CORO2B: variants seen among roughly 807,000 people sequenced by gnomAD.
CORO2B encodes coronin 2B.
CORO2B carries 26 observed loss-of-function variants against 58.8 expected under a neutral mutation model. The observed-to-expected ratio is 0.44, with a 90% CI of 0.32 to 0.61. The LOEUF is 0.61. Ranked by LOEUF, CORO2B falls within the 20% of genes least tolerant of loss-of-function variation. The pLI is 0.04. For missense variants in CORO2B, 460 were observed against 645.1 expected (o/e 0.71, Z 3.11); for synonymous variants, 242 against 253.8 (o/e 0.95, Z 0.44).
At chr15:68,647,270 G>A (rs1227852167) in intron 2 of CORO2B, among the ~76,000 whole-genome samples, 1 of 152,184 alleles carries the variant, frequency 6.6e-6, no homozygotes, top group South Asian at 2.1e-4. Flanking sequence ...GACAGTTTCT[G>A]TATTACAATG....
At chr15:68,590,617 G>A (rs1899680434) in intron 1 of CORO2B, among the ~76,000 whole-genome samples, 1 of 152,186 alleles carries the variant, frequency 6.6e-6, no homozygotes, top group African/African-American at 2.4e-5. Flanking sequence ...CTACCACTTC[G>A]CTTAGAACCC....
the CORO2B span, among the ~76,000 whole-genome samples, chr15:68,563,100 C>G: frequency 2.6e-5 from 4 of 151,630 alleles, no homozygotes; most frequent in Non-Finnish European, 5.9e-5. Flanking sequence ...GAAGAAAGAT[C>G]TCAAATCAAT....
chr15:68,679,264 A>T (rs1354301167), intron 2 of CORO2B, among the ~76,000 whole-genome samples: 2 of 152,114 alleles, frequency 1.3e-5, no homozygotes, highest in African/African-American at 2.4e-5. Context: ...CTGGGTGGAG[A>T]TTCAACATAT....
rs539164836 is a variant in CORO2B, at chr15:68,713,932, A to G, written c.656A>G (p.Asn219Ser). 1.9e-5 allele frequency: 30 copies of G among 1,613,864 alleles called. No individual in the cohort carries two copies. The South Asian group carries it at 2.4e-4, about 13-fold the overall frequency. The part of the protein sequence containing the change: ...PRSGRVLQEA[N>S]CKNHRVNRVV... Reference sequence around the variant, plus strand: ...TCCCTCTGTTCCTACTAGGAGGCCAACTGCAAAAACCACAGAGTGAACCGG... The same window carrying G: ...TCCCTCTGTTCCTACTAGGAGGCCAGCTGCAAAAACCACAGAGTGAACCGG... Residue 219 changes from asparagine (N) to serine (S), a missense_variant, in exon 6 of 12, where the codon AAC (asparagine) becomes AGC (serine). Physicochemically the swap from Asn to Ser is conservative, Grantham distance 46. Coordinates refer to ENST00000261861, the MANE Select transcript of CORO2B (RefSeq NM_006091.5).
intron 2 of CORO2B, among the ~76,000 whole-genome samples, chr15:68,656,017 C>G (rs756286567): frequency 2.6e-5 from 4 of 152,194 alleles, no homozygotes; most frequent in Non-Finnish European, 4.4e-5. Flanking sequence ...TACCACTGGC[C>G]TTTCTCCTGG....
chr15:68,692,563 C>T (rs112310437), intron 2 of CORO2B, among the ~76,000 whole-genome samples: 27,381 of 148,622 alleles, frequency 0.18, 3,074 homozygotes, highest in Non-Finnish European at 0.25. Context: ...CCAGCCTGGG[C>T]GACAGAGTGA....
At chr15:68,528,815 C>T in the CORO2B span, among the ~76,000 whole-genome samples, 1 of 150,560 alleles carries the variant, frequency 6.6e-6, no homozygotes, top group Non-Finnish European at 1.5e-5. Flanking sequence ...ATTACGAATT[C>T]AATTTCTTCA....
intron 2 of CORO2B, among the ~76,000 whole-genome samples, chr15:68,678,385 G>A (rs1224526799): frequency 6.6e-6 from 1 of 152,304 alleles, no homozygotes; most frequent in East Asian, 1.9e-4. Flanking sequence ...GGCAATAACA[G>A]AGAAAAGACA....
the CORO2B span, among the ~76,000 whole-genome samples, chr15:68,555,495 G>A: frequency 2.6e-5 from 4 of 152,188 alleles, no homozygotes; most frequent in Non-Finnish European, 5.9e-5. Flanking sequence ...GGCTGGGCAG[G>A]GGGGAGAGAA....
At chr15:68,557,903 G>A in the CORO2B span, among the ~76,000 whole-genome samples, 2 of 152,192 alleles carry the variant, frequency 1.3e-5, no homozygotes, top group Non-Finnish European at 2.9e-5. Flanking sequence ...ATGAGGTCCT[G>A]GTCATAGTCC....
chr15:68,613,105 G>A (rs995525094), intron 1 of CORO2B, among the ~76,000 whole-genome samples: 9 of 152,186 alleles, frequency 5.9e-5, no homozygotes, highest in Non-Finnish European at 1.0e-4. Flanking sequence ...AGGTCCAGAA[G>A]AGGCATGTAA....
At chr15:68,583,766 G>A (rs916225351) in intron 1 of CORO2B, among the ~76,000 whole-genome samples, 1 of 152,186 alleles carries the variant, frequency 6.6e-6, no homozygotes, top group African/African-American at 2.4e-5. Flanking sequence ...CCAGCACCTC[G>A]TTCCTGTCTG....
At chr15:68,548,530 C>T in the CORO2B span, among the ~76,000 whole-genome samples, 2 of 152,098 alleles carry the variant, frequency 1.3e-5, no homozygotes, top group African/African-American at 4.8e-5. Context: ...AAGTCAGTTC[C>T]AGCACACCAC....
chr15:68,585,288 C>A (rs186472183), intron 1 of CORO2B, among the ~76,000 whole-genome samples: 2 of 152,162 alleles, frequency 1.3e-5, no homozygotes. Context: ...GCGGGATGCA[C>A]GCCCAGATCT....
At chr15:68,586,843 G>A (rs1476782012) in intron 1 of CORO2B, among the ~76,000 whole-genome samples, 1 of 152,132 alleles carries the variant, frequency 6.6e-6, no homozygotes, top group Admixed American at 6.5e-5. Context: ...GCCTCCTTGG[G>A]CTGTGTAAAG....
At chr15:68,722,489 T>C (rs2140336609) in intron 11 of CORO2B, among the ~76,000 whole-genome samples, 1 of 152,330 alleles carries the variant, frequency 6.6e-6, no homozygotes, top group African/African-American at 2.4e-5. Flanking sequence ...AGTCCTACGA[T>C]TGTACAACTC....
At chr15:68,548,574 GT>G in the CORO2B span, among the ~76,000 whole-genome samples, 8 of 152,116 alleles carry the variant, frequency 5.3e-5, no homozygotes, top group Non-Finnish European at 1.0e-4. Context: ...ACATATGAAA[GT>G]TTCTCTAGGA....
At chr15:68,600,538 C>T (rs1899954673) in intron 1 of CORO2B, among the ~76,000 whole-genome samples, 1 of 152,184 alleles carries the variant, frequency 6.6e-6, no homozygotes, top group African/African-American at 2.4e-5. Context: ...TCTTTGTTAA[C>T]AGCCTCTCTC....
Position 68,679,009 on chromosome 15 carries a change from C to T in CORO2B, c.217-16131C>T, listed in dbSNP as rs142548814. Among the ~76,000 whole-genome samples, 241 of 152,352 alleles carry T rather than the reference C, an allele frequency of 1.6e-3. 1 individual carries two copies. The highest frequency in any genetic ancestry group is 2.1e-3 in the Non-Finnish European group (142 of 68,036). On this transcript the variant is annotated intron_variant, in intron 2 of 11. Coordinates refer to ENST00000261861, the MANE Select transcript of CORO2B (RefSeq NM_006091.5). ...GGACCCAGTCCCTGACCTGGCCCTCCGAGCTGGTCAGGCAGAGTGAGGGCC... is the reference window on the plus strand; with the variant it reads ...GGACCCAGTCCCTGACCTGGCCCTCTGAGCTGGTCAGGCAGAGTGAGGGCC...
Sources: gnomAD v4.1 joint callset for allele counts (sites outside exome capture counted in the v4.1 genomes callset) on GRCh38, gnomAD v4.1.1 for gene constraint, MANE v1.5 for transcripts, NCBI Gene and HGNC (gene_info 2026-07-23, HGNC 2026-07-21) for gene names.